The following CDH4 variants were observed in gnomAD, a reference collection of about 807,000 sequenced individuals.
CDH4 encodes cadherin-4.
CDH4 carries 33 observed loss-of-function variants against 86.0 expected under a neutral mutation model. The ratio of observed to expected loss-of-function variants is 0.38; its 90% CI spans 0.29 to 0.51. CDH4 has a LOEUF of 0.51. CDH4 is among the 20% of genes least tolerant of loss of function. CDH4 has a pLI of 0.86. For missense variants in CDH4, 1,114 were observed against 1,307.4 expected (o/e 0.85, Z 2.28); for synonymous variants, 555 against 549.4 (o/e 1.01, Z -0.14).
intron 2 of CDH4, among the ~76,000 whole-genome samples, chr20:61,589,618 A>G (rs1482966754): frequency 1.3e-5 from 2 of 152,138 alleles, no homozygotes; most frequent in Non-Finnish European, 2.9e-5. Flanking sequence ...CTCTGTGCCA[A>G]GTAATGTGCT....
intron 4 of CDH4, among the ~76,000 whole-genome samples, chr20:61,782,948 G>A (rs1041213916): frequency 6.6e-6 from 1 of 152,156 alleles, no homozygotes; most frequent in Non-Finnish European, 1.5e-5. Flanking sequence ...AGCCGGCCGT[G>A]GTGGCACATG....
chr20:61,887,441 GCATA>G (rs1440822190), intron 7 of CDH4, among the ~76,000 whole-genome samples: 2 of 152,188 alleles, frequency 1.3e-5, no homozygotes, highest in Non-Finnish European at 2.9e-5. Flanking sequence ...GGGTTTACAT[GCATA>G]CAGAGGTGCA....
chr20:61,652,938 A>ATTTTTTTTTTTTTTT lies in CDH4; in HGVS notation c.170-90622_170-90608dup, dbSNP rs763918382. On this transcript the variant is annotated intron_variant, in intron 2 of 15. Transcript: ENST00000614565. ...TTTGAATTTATTTATTTATTTATTTATTTTTTTTTTTTTTTTTATTGATCA... is the reference window on the plus strand; with the variant it reads ...TTTGAATTTATTTATTTATTTATTTATTTTTTTTTTTTTTTTTTTTTTTTTTTTTTTTATTGATCA... Among the ~76,000 whole-genome samples the ATTTTTTTTTTTTTTT allele has an allele frequency of 1.3e-3, 126 of 97,228 alleles. 2 individuals are homozygous for ATTTTTTTTTTTTTTT. The highest frequency in any genetic ancestry group is 1.7e-3 in the Non-Finnish European group (74 of 42,302). 63.8% of individuals were successfully genotyped at this position (97,228 alleles called of 152,430 possible). A position where few individuals can be genotyped will look rare whatever the true frequency, so the allele number is the denominator to read the frequency against.
At chr20:61,616,357 G>C (rs1011310388) in intron 2 of CDH4, among the ~76,000 whole-genome samples, 1 of 152,156 alleles carries the variant, frequency 6.6e-6, no homozygotes, top group African/African-American at 2.4e-5. Context: ...CAGCACCTTG[G>C]GGGACGTCAG....
At chr20:61,353,593 G>C (rs1270602921) in intron 2 of CDH4, among the ~76,000 whole-genome samples, 1 of 14,380 alleles carries the variant, frequency 7.0e-5, no homozygotes, top group Non-Finnish European at 1.5e-4. Context: ...TTTCAATTCA[G>C]GTTAATTCCA....
At chr20:61,610,480 C>T (rs1276821535) in intron 2 of CDH4, among the ~76,000 whole-genome samples, 5 of 152,164 alleles carry the variant, frequency 3.3e-5, no homozygotes, top group East Asian at 3.9e-4. Context: ...GCTATCTCTT[C>T]GAGACACCTG....
chr20:61,591,328 G>A (rs1023374051), intron 2 of CDH4, among the ~76,000 whole-genome samples: 1 of 152,190 alleles, frequency 6.6e-6, no homozygotes, highest in East Asian at 1.9e-4. Flanking sequence ...CATAAGTAAT[G>A]TATTTTATGA....
rs190631566 is a variant in CDH4, at chr20:61,712,763, G to A, written c.170-30800G>A. 5.9e-5 allele frequency among the ~76,000 whole-genome samples: 9 copies of A among 152,286 alleles called. No individual in the cohort carries two copies. In the East Asian group the frequency reaches 1.4e-3, roughly 23 times the overall value. On this transcript the variant is annotated intron_variant, in intron 2 of 15. Transcript: ENST00000614565. The stretch of plus-strand genomic sequence containing the variant: ...AATTCAGAGGGGCAGCCCCCATCAC[G>A]GAAGGCTCCCCATGCCCAGCCTCAT...
intron 4 of CDH4, among the ~76,000 whole-genome samples, chr20:61,793,675 A>C (rs1979342726): frequency 6.6e-6 from 1 of 151,876 alleles, no homozygotes; most frequent in South Asian, 2.1e-4. Context: ...CCCCATCTCT[A>C]CTAAAAATAC....
chr20:61,525,299 C>G (rs2085901889), intron 2 of CDH4, among the ~76,000 whole-genome samples: 1 of 152,132 alleles, frequency 6.6e-6, no homozygotes, highest in African/African-American at 2.4e-5. Flanking sequence ...TAGAGAAGCC[C>G]CAGGAGAAAG....
chr20:61,263,905 C>G (rs1434146785), intron 2 of CDH4, among the ~76,000 whole-genome samples: 1 of 152,070 alleles, frequency 6.6e-6, no homozygotes, highest in Non-Finnish European at 1.5e-5. Flanking sequence ...GTGCCGTCCT[C>G]CAGGGTCATT....
At chr20:61,356,970 A>G (rs1391865010) in intron 2 of CDH4, among the ~76,000 whole-genome samples, 1 of 152,140 alleles carries the variant, frequency 6.6e-6, no homozygotes, top group Non-Finnish European at 1.5e-5. Flanking sequence ...CCATGTGCTA[A>G]GAGACGAGGG....
chr20:61,767,979 T>C (rs1367419121), intron 3 of CDH4, among the ~76,000 whole-genome samples: 2 of 152,188 alleles, frequency 1.3e-5, no homozygotes, highest in Non-Finnish European at 2.9e-5. Context: ...GAGGCGACAG[T>C]GGGCGGCTGC....
intron 2 of CDH4, among the ~76,000 whole-genome samples, chr20:61,419,751 A>G (rs2085167080): frequency 1.3e-5 from 2 of 151,762 alleles, no homozygotes; most frequent in Admixed American, 1.3e-4. Flanking sequence ...GGCCAATTCC[A>G]TCTAACCCTC....
chr20:61,425,401 C>T (rs1421929152), intron 2 of CDH4, among the ~76,000 whole-genome samples: 1 of 149,702 alleles, frequency 6.7e-6, no homozygotes, highest in African/African-American at 2.4e-5. Flanking sequence ...GGTGGAGGGG[C>T]GGGCCTTCAG....
Position 61,583,272 on chromosome 20 carries a change from G to A in CDH4, c.170-160291G>A, listed in dbSNP as rs184194306. 3.1e-3 allele frequency among the ~76,000 whole-genome samples: 330 copies of A among 107,844 alleles called. 4 individuals carry two copies. Among genetic ancestry groups the A allele is most frequent in the African/African-American group, 0.011 (299 of 28,256 alleles). The allele number at this position is 107,844 out of a possible 152,430, so 70.7% of individuals were successfully genotyped here. ...TCTGAGGAGGGACAGAGGGCTCTGC[G>A]GGGGGACAGACGGTTCTGCGGGGGG... is the stretch of plus-strand genomic sequence containing the variant. On this transcript the variant is annotated intron_variant, in intron 2 of 15. Transcript: ENST00000614565.
At chr20:61,686,430 T>C (rs1600873173) in intron 2 of CDH4, among the ~76,000 whole-genome samples, 1 of 150,884 alleles carries the variant, frequency 6.6e-6, no homozygotes, top group African/African-American at 2.4e-5. Flanking sequence ...TTTGCGTGTG[T>C]ATGTGCGTGT....
intron 2 of CDH4, among the ~76,000 whole-genome samples, chr20:61,303,246 C>G (rs542451345): frequency 6.6e-6 from 1 of 152,116 alleles, no homozygotes; most frequent in South Asian, 2.1e-4. Context: ...TGAGGATGGG[C>G]GAGATGGTGA....
chr20:61,828,077 T>A (rs764500652), intron 4 of CDH4, among the ~76,000 whole-genome samples: 4 of 152,132 alleles, frequency 2.6e-5, no homozygotes, highest in Non-Finnish European at 5.9e-5. Flanking sequence ...AAGTTGCACC[T>A]CATAAAGTTT....
Sources: allele counts gnomAD v4.1 joint callset (sites outside exome capture counted in the v4.1 genomes callset), GRCh38; gene constraint gnomAD v4.1.1; transcripts MANE v1.5; gene names NCBI Gene and HGNC (gene_info 2026-07-23, HGNC 2026-07-21).